Variants in NAV1 observed in about 807,000 individuals in gnomAD.
NAV1 encodes the protein neuron navigator 1.
In NAV1, 18 loss-of-function variants were observed where a neutral mutation model predicts 175.2. The ratio of observed to expected loss-of-function variants is 0.10; its 90% confidence interval spans 0.07 to 0.15. The LOEUF (loss-of-function observed/expected upper bound fraction) is 0.15, where lower values mean the gene tolerates loss of function less well. Ranked by LOEUF, NAV1 falls within the 10% of genes least tolerant of loss-of-function variation. The probability of loss-of-function intolerance (pLI) is 1.00; values close to 1 mark genes in which losing one functional copy is unlikely to be tolerated. For synonymous variants in NAV1, 897 were observed against 978.7 expected (o/e 0.92, Z 1.56); for missense variants, 1,731 against 2,436.6 (o/e 0.71, Z 6.10).
intron 3 of NAV1, among the ~76,000 whole-genome samples, chr1:201,759,439 A>G (rs57275144): frequency 0.026 from 3,944 of 152,304 alleles, 197 homozygotes; most frequent in African/African-American, 0.089. Context: ...GTCGAAAAGT[A>G]TGATGCAGAG....
intron 1 of NAV1, among the ~76,000 whole-genome samples, chr1:201,625,087 A>C (rs1668291516): frequency 1.3e-5 from 2 of 152,362 alleles, no homozygotes; most frequent in South Asian, 4.1e-4. Flanking sequence ...TGTTACATTC[A>C]GTTGTGAACA....
At chr1:201,636,600 A>G (rs1292620532) in intron 2 of NAV1, among the ~76,000 whole-genome samples, 1 of 152,242 alleles carries the variant, frequency 6.6e-6, no homozygotes, top group African/African-American at 2.4e-5. Flanking sequence ...GTGTGGAGTC[A>G]TCCACGTGAG....
chr1:201,802,431 G>A (rs2102786122), intron 15 of NAV1, among the ~76,000 whole-genome samples: 1 of 135,826 alleles, frequency 7.4e-6, no homozygotes, highest in East Asian at 2.1e-4. Flanking sequence ...GACCACCCTG[G>A]GCAACACAGC....
At chr1:201,739,059 C>G (rs1162237545) in intron 3 of NAV1, among the ~76,000 whole-genome samples, 1 of 152,156 alleles carries the variant, frequency 6.6e-6, no homozygotes, top group African/African-American at 2.4e-5. Flanking sequence ...GGAGGACCCT[C>G]AGGGGGGAGG....
At chr1:201,772,904 G>C (rs968506998) in intron 3 of NAV1, among the ~76,000 whole-genome samples, 5 of 152,046 alleles carry the variant, frequency 3.3e-5, no homozygotes, top group Non-Finnish European at 5.9e-5. Context: ...GTGGTGGCGG[G>C]TGCTTGTAGT....
intron 2 of NAV1, among the ~76,000 whole-genome samples, chr1:201,599,780 G>A (rs184263956): frequency 2.0e-4 from 30 of 152,294 alleles, no homozygotes; most frequent in East Asian, 9.7e-4. Flanking sequence ...GAGGGATGGC[G>A]TCTGTGTCAT....
At chr1:201,678,570 C>T (rs1404283995) in intron 1 of NAV1, among the ~76,000 whole-genome samples, 4 of 152,164 alleles carry the variant, frequency 2.6e-5, no homozygotes, top group Admixed American at 1.3e-4. Context: ...TAGTGAGTTT[C>T]CTAGTAACTT....
intron 2 of NAV1, among the ~76,000 whole-genome samples, chr1:201,611,499 C>A (rs898708468): frequency 1.3e-5 from 2 of 152,126 alleles, no homozygotes; most frequent in African/African-American, 2.4e-5. Context: ...CGGCCTTATG[C>A]GGAGAGGGGG....
chr1:201,697,331 A>G (rs1671234089), intron 1 of NAV1, among the ~76,000 whole-genome samples: 1 of 152,194 alleles, frequency 6.6e-6, no homozygotes, highest in Admixed American at 6.5e-5. Context: ...GCAGCCAGGC[A>G]GGGTGGATGT....
chr1:201,676,524 G>A (rs1269237545), intron 1 of NAV1, among the ~76,000 whole-genome samples: 2 of 151,858 alleles, frequency 1.3e-5, no homozygotes, highest in African/African-American at 2.4e-5. Flanking sequence ...GGCAAAGCAG[G>A]CCACACAGCG....
intron 1 of NAV1, among the ~76,000 whole-genome samples, chr1:201,540,153 G>A (rs561507364): frequency 2.7e-4 from 41 of 152,306 alleles, no homozygotes; most frequent in Non-Finnish European, 4.9e-4. Flanking sequence ...GCGAGTGGCG[G>A]GTGGCGGGGG....
intron 2 of NAV1, among the ~76,000 whole-genome samples, chr1:201,589,023 T>C (rs111812588): frequency 0.05 from 7,547 of 152,082 alleles, 211 homozygotes; most frequent in Middle Eastern, 0.071. Flanking sequence ...CATTTTTGTA[T>C]TTTTAGTAAA....
Position 201,812,667 on chromosome 1 carries a change from G to A in NAV1, c.5221+6G>A, listed in dbSNP as rs1301196325. On this transcript the variant is annotated splice_donor_region_variant and intron_variant, in intron 27 of 29. Coordinates refer to ENST00000367296, the Ensembl canonical transcript of NAV1. The surrounding 1 kb of genome is among the most constrained non-coding windows in gnomAD (Gnocchi z 4.6). ...CACCTCAGACTTCCTCATCGGTACT[G>A]GGGTCCAGCTTCCCCCGGGGGTCAG... 1 of 1,611,412 alleles carries A rather than the reference G, an allele frequency of 6.2e-7. No homozygotes were observed. The highest frequency in any genetic ancestry group is 1.3e-5 in the African/African-American group (1 of 74,966).
intron 1 of NAV1, chr1:201,673,363 G>C (rs1670120662): frequency 6.6e-6 from 1 of 152,228 alleles, no homozygotes; most frequent in South Asian, 2.1e-4. Flanking sequence ...TCTTGGCATA[G>C]TAGCTGGAGA....
intron 3 of NAV1, among the ~76,000 whole-genome samples, chr1:201,728,242 C>T (rs1672692012): frequency 6.6e-6 from 1 of 152,120 alleles, no homozygotes; most frequent in African/African-American, 2.4e-5. Context: ...CCACCTCAGC[C>T]TCCTGAGTAG....
At chr1:201,593,573 T>C (rs1446288368) in intron 2 of NAV1, among the ~76,000 whole-genome samples, 1 of 152,354 alleles carries the variant, frequency 6.6e-6, no homozygotes, top group South Asian at 2.1e-4. Context: ...CCTTTCTCTT[T>C]TGGCGCATTC....
rs1678757240 is a variant in NAV1 at position 201,812,524 on chromosome 1, G to A, written c.5084G>A (p.Arg1695Lys). 1.9e-5 allele frequency: 31 copies of A among 1,614,206 alleles called. No homozygotes were observed. Among genetic ancestry groups the A allele is most frequent in the Non-Finnish European group, 2.6e-5 (31 of 1,180,032 alleles). Residue 1695 changes from arginine to lysine, a missense_variant, in exon 27 of 30, where the codon AGG becomes AAG. Arg to Lys is a conservative substitution (Grantham distance 26). Around this residue, in one of 13 missense-constraint regions of NAV1, gnomAD observed 115 missense variants for 269.4 expected, o/e 0.43. Coordinates refer to ENST00000367296, the Ensembl canonical transcript of NAV1. This position sits in a 1 kb window ranked among gnomAD's most constrained non-coding sequence, Gnocchi z 4.6. ...AATGGCTTCCTGGTTCGTTACCTGA[G>A]GAGGAAGCTGGTAGAGTCAGACAGC...
chr1:201,648,613 C>T, exon 1 of NAV1: 1 of 1,286,662 alleles, frequency 7.8e-7, no homozygotes, highest in Non-Finnish European at 9.8e-7. Flanking sequence ...CGCCCCCTGC[C>T]CCCTCCCCCC....
At chr1:201,567,892 C>T (rs1427496629) in intron 1 of NAV1, among the ~76,000 whole-genome samples, 13 of 152,240 alleles carry the variant, frequency 8.5e-5, no homozygotes, top group Admixed American at 2.0e-4. Flanking sequence ...CTATGTGGCA[C>T]GGAGCAAGGG....
Sources: gnomAD v4.1 joint callset for allele counts (sites outside exome capture counted in the v4.1 genomes callset) on GRCh38, gnomAD v4.1.1 for gene constraint, gnomAD v4.1.1 regional missense constraint, Gnocchi (gnomAD v3.1) non-coding constraint, MANE v1.5 for transcripts, NCBI Gene and HGNC (gene_info 2026-07-23, HGNC 2026-07-21) for gene names.